CCDC178: variants seen among roughly 807,000 people sequenced by gnomAD.
CCDC178 encodes coiled-coil domain-containing protein 178.
CCDC178 carries 126 observed loss-of-function variants against 117.4 expected under a neutral mutation model. The observed-to-expected ratio is 1.07, with a 90% CI of 0.93 to 1.24. The LOEUF (loss-of-function observed/expected upper bound fraction) is 1.24. CCDC178 is among the 50% of genes most tolerant of loss of function. CCDC178 has a pLI of 0.00. For missense variants in CCDC178, 1,030 were observed against 986.9 expected, an observed-to-expected ratio of 1.04 and a Z score of -0.59; for synonymous variants, 283 against 313.4, an observed-to-expected ratio of 0.90 and a Z score of 1.02.
At chr18:32,996,749 A>T (rs1021286592) in intron 21 of CCDC178, among the ~76,000 whole-genome samples, 5 of 152,098 alleles carry the variant, frequency 3.3e-5, no homozygotes, top group South Asian at 2.1e-4. Flanking sequence ...AATAATTTTT[A>T]AAAAATCTGG....
rs2059962803 is a variant in CCDC178 at position 33,277,308 on chromosome 18, G to A, written c.1177-10011C>T. Among the ~76,000 whole-genome samples, 3 of 152,042 alleles carry A rather than the reference G, an allele frequency of 2.0e-5. 1 individual carries two copies. The highest frequency in any genetic ancestry group is 3.4e-3 in the Middle Eastern group (1 of 294). On this transcript the variant is annotated intron_variant, in intron 12 of 22. Coordinates refer to ENST00000383096, the MANE Select transcript of CCDC178 (RefSeq NM_001105528.4). Reference sequence around the variant, plus strand: ...ATAAACCAAATATAACTAGTTAGAAGAATTAATAAAAGAGAAATCCTCAAC... The same window carrying A: ...ATAAACCAAATATAACTAGTTAGAAAAATTAATAAAAGAGAAATCCTCAAC...
At chr18:33,090,743 T>C (rs954811155) in intron 21 of CCDC178, among the ~76,000 whole-genome samples, 3 of 152,130 alleles carry the variant, frequency 2.0e-5, no homozygotes, top group Non-Finnish European at 4.4e-5. Context: ...TGAAAAATGA[T>C]TGGAAGTACA....
At chr18:32,971,894 A>C (rs2054933998) in intron 22 of CCDC178, among the ~76,000 whole-genome samples, 1 of 152,034 alleles carries the variant, frequency 6.6e-6, no homozygotes, top group African/African-American at 2.4e-5. Flanking sequence ...AATTTGTTTA[A>C]GTTCCTTGTG....
chr18:33,230,293 T>C (rs1016941005), intron 15 of CCDC178, among the ~76,000 whole-genome samples: 10 of 152,030 alleles, frequency 6.6e-5, no homozygotes, highest in South Asian at 2.1e-4. Flanking sequence ...ATCATATCCA[T>C]TAGTGAAATA....
intron 20 of CCDC178, among the ~76,000 whole-genome samples, chr18:33,151,787 A>G (rs1433366679): frequency 6.6e-6 from 1 of 152,174 alleles, no homozygotes; most frequent in African/African-American, 2.4e-5. Context: ...TGTAGTTGTC[A>G]TTAGGATTAA....
intron 22 of CCDC178, among the ~76,000 whole-genome samples, chr18:32,940,402 A>G (rs912358987): frequency 6.6e-6 from 1 of 152,054 alleles, no homozygotes; most frequent in Non-Finnish European, 1.5e-5. Flanking sequence ...AATATAATTT[A>G]CTGATTGATA....
chr18:33,365,997 C>T (rs2063200296), intron 6 of CCDC178, among the ~76,000 whole-genome samples: 1 of 152,040 alleles, frequency 6.6e-6, no homozygotes, highest in Admixed American at 6.6e-5. Flanking sequence ...TGCACTTAAA[C>T]TGGAGTGGAT....
intron 20 of CCDC178, among the ~76,000 whole-genome samples, chr18:33,105,639 T>C (rs903243769): frequency 3.3e-5 from 5 of 151,814 alleles, no homozygotes; most frequent in Middle Eastern, 3.4e-3. Flanking sequence ...AATTCATTTT[T>C]ACAACATAAA....
chr18:32,993,389 G>A (rs184697738), intron 21 of CCDC178, among the ~76,000 whole-genome samples: 74 of 152,172 alleles, frequency 4.9e-4, no homozygotes, highest in African/African-American at 1.6e-3. Flanking sequence ...GCAATGACCC[G>A]ACAACCCAAT....
intron 4 of CCDC178, among the ~76,000 whole-genome samples, chr18:33,393,988 A>T (rs1176395366): frequency 6.6e-6 from 1 of 152,016 alleles, no homozygotes; most frequent in Non-Finnish European, 1.5e-5. Flanking sequence ...TTTATATTTC[A>T]AGTTGTTAGA....
Position 33,223,169 on chromosome 18 carries a change from T to C in CCDC178, c.1869A>G (p.Gly623=), listed in dbSNP as rs762319474. The C allele has an allele frequency of 1.2e-6, 2 of 1,608,352 alleles. No individual in the cohort carries two copies. The highest frequency in any genetic ancestry group is 2.2e-5 in the South Asian group (2 of 90,646). The change falls in exon 18 of 23, where the codon GGA becomes GGG. Residue 623 remains glycine (G), a synonymous_variant. Coordinates refer to ENST00000383096, the MANE Select transcript of CCDC178 (RefSeq NM_001105528.4). ...TTTTTCGTAATTTTTTCTTTACTTT[T>C]CCCACCTTTCTTCTAATAAGATCTT... ...DQKDLIRRKV[G]KVKKKLRKKG...
Position 33,243,225 on chromosome 18 carries a change from G to T in CCDC178, c.1593+2020C>A, listed in dbSNP as rs1187673340. Among the ~76,000 whole-genome samples the T allele has an allele frequency of 1.2e-4, 18 of 151,952 alleles. No homozygotes were observed. In the East Asian group the frequency reaches 3.5e-3, roughly 30 times the overall value. On this transcript the variant is annotated intron_variant, in intron 15 of 22. Coordinates refer to ENST00000383096, the MANE Select transcript of CCDC178 (RefSeq NM_001105528.4). Reference sequence around the variant, plus strand: ...ATTGATCTCACAAAAGTAAAAAGTAGAACAGAGAATACTGAAAAGTGGGGT... The same window carrying T: ...ATTGATCTCACAAAAGTAAAAAGTATAACAGAGAATACTGAAAAGTGGGGT...
chr18:33,088,515 T>G (rs1297183219), intron 21 of CCDC178, among the ~76,000 whole-genome samples: 3 of 152,222 alleles, frequency 2.0e-5, no homozygotes, highest in African/African-American at 7.2e-5. Flanking sequence ...TTTTGTTAAA[T>G]TCACTTTATT....
intron 10 of CCDC178, among the ~76,000 whole-genome samples, chr18:33,328,293 G>A (rs2062615993): frequency 6.6e-6 from 1 of 151,814 alleles, no homozygotes; most frequent in African/African-American, 2.4e-5. Flanking sequence ...AGTAGAAACG[G>A]GGTTTCACCA....
chr18:33,028,497 G>A (rs2056272112), intron 21 of CCDC178, among the ~76,000 whole-genome samples: 1 of 151,582 alleles, frequency 6.6e-6, no homozygotes, highest in Non-Finnish European at 1.5e-5. Context: ...CCACATCCTT[G>A]CCAATACTTG....
At chr18:33,250,294 A>G (rs2059605256) in intron 14 of CCDC178, among the ~76,000 whole-genome samples, 1 of 151,818 alleles carries the variant, frequency 6.6e-6, no homozygotes, top group African/African-American at 2.4e-5. Context: ...AATATGTGTA[A>G]TGCTCAGGAG....
intron 20 of CCDC178, among the ~76,000 whole-genome samples, chr18:33,211,640 T>C (rs1468908275): frequency 6.6e-6 from 1 of 151,790 alleles, no homozygotes; most frequent in Non-Finnish European, 1.5e-5. Flanking sequence ...CATTTTTATA[T>C]TAATAGACTT....
At chr18:33,299,041 C>T (rs1485257434) in intron 11 of CCDC178, among the ~76,000 whole-genome samples, 1 of 152,096 alleles carries the variant, frequency 6.6e-6, no homozygotes, top group Non-Finnish European at 1.5e-5. Context: ...GACCATACTA[C>T]CCAAAGCAAC....
In CCDC178 at chr18:33,377,909, T is replaced by A. The variant is rs538065303; in HGVS notation, c.209-7720A>T. 8.5e-5 allele frequency among the ~76,000 whole-genome samples: 13 copies of A among 152,306 alleles called. 1 individual carries two copies. In the South Asian group the frequency reaches 2.5e-3, roughly 29 times the overall value. On this transcript the variant is annotated intron_variant, in intron 5 of 22. Coordinates refer to ENST00000383096, the MANE Select transcript of CCDC178 (RefSeq NM_001105528.4). ...CCAGCTTTGTTCTTTTTGGTTAGAA[T>A]TGCTTAGACTGTTTCAGTTCTTCTT...
Sources: allele counts gnomAD v4.1 joint callset (sites outside exome capture counted in the v4.1 genomes callset), GRCh38; gene constraint gnomAD v4.1.1; transcripts MANE v1.5; gene names NCBI Gene and HGNC (gene_info 2026-07-23, HGNC 2026-07-21).